The following TSHZ3 variants were observed in gnomAD, a reference collection of about 807,000 sequenced individuals.
TSHZ3 encodes teashirt zinc finger homeobox 3.
In TSHZ3, 10 loss-of-function variants were observed where a neutral mutation model predicts 64.5. The ratio of observed to expected loss-of-function variants is 0.16; its 90% CI spans 0.10 to 0.26. The LOEUF (loss-of-function observed/expected upper bound fraction) is 0.26. Ranked by LOEUF, TSHZ3 falls within the 10% of genes least tolerant of loss-of-function variation. The probability of loss-of-function intolerance (pLI) is 1.00; values close to 1 mark genes in which losing one functional copy is unlikely to be tolerated. For synonymous variants in TSHZ3, 608 were observed against 593.1 expected (o/e 1.03, Z -0.36); for missense variants, 1,242 against 1,421.7 (o/e 0.87, Z 2.03).
At chr19:31,322,373 C>T (rs1192008409) in intron 1 of TSHZ3, among the ~76,000 whole-genome samples, 3 of 152,170 alleles carry the variant, frequency 2.0e-5, no homozygotes, top group Non-Finnish European at 4.4e-5. Context: ...CTGCCTTTGC[C>T]TCCCAAAGTG....
At chr19:31,338,899 T>C (rs978855399) in intron 1 of TSHZ3, among the ~76,000 whole-genome samples, 2 of 151,936 alleles carry the variant, frequency 1.3e-5, no homozygotes, top group Non-Finnish European at 2.9e-5. Context: ...GGTTTGTGTC[T>C]GGTCAGCTGC....
chr19:31,249,327 T>C (rs1255895672), intron 1 of TSHZ3, among the ~76,000 whole-genome samples: 1 of 152,310 alleles, frequency 6.6e-6, no homozygotes, highest in East Asian at 1.9e-4. Context: ...CGCATGTGCC[T>C]TTCCAGCGCA....
At chr19:31,216,958 T>C (rs968629518) in intron 4 of TSHZ3, among the ~76,000 whole-genome samples, 4 of 150,646 alleles carry the variant, frequency 2.7e-5, no homozygotes, top group East Asian at 2.0e-4. Context: ...GCCTGACCAA[T>C]TTACCAATTT....
At position 31,246,170 on chromosome 19, in the gene TSHZ3, T is replaced by G. The variant is rs371204324; in HGVS notation, n.64-3295A>C. Among the ~76,000 whole-genome samples the G allele has an allele frequency of 1.6e-4, 24 of 152,320 alleles. No homozygotes were observed. The South Asian group carries it at 4.8e-3, about 30-fold the overall frequency. On this transcript the variant is annotated intron_variant and non_coding_transcript_variant, in intron 1 of 6. Coordinates refer to the TSHZ3 transcript ENST00000651361. ...GTATGTTGCTAATCAGAATATACAC[T>G]ATCAAATCATTTATATAAAAATAAG...
intron 4 of TSHZ3, among the ~76,000 whole-genome samples, chr19:31,214,542 A>G (rs548631768): frequency 6.6e-6 from 1 of 152,312 alleles, no homozygotes; most frequent in South Asian, 2.1e-4. Flanking sequence ...AAGGCATTGC[A>G]CCTAAGTTGA....
chr19:31,344,036 G>A (rs771784039), intron 1 of TSHZ3, among the ~76,000 whole-genome samples: 1 of 151,904 alleles, frequency 6.6e-6, no homozygotes, highest in Non-Finnish European at 1.5e-5. Context: ...ATGACTGCCT[G>A]TCTATTGAGT....
intron 1 of TSHZ3, among the ~76,000 whole-genome samples, chr19:31,264,214 A>G: frequency 6.6e-6 from 1 of 152,152 alleles, no homozygotes; most frequent in Non-Finnish European, 1.5e-5. Context: ...CCACCTGTGC[A>G]CAGGGAAGCC....
intron 5 of TSHZ3, among the ~76,000 whole-genome samples, chr19:31,187,729 G>C (rs2145134341): frequency 6.6e-6 from 1 of 152,078 alleles, no homozygotes; most frequent in Admixed American, 6.6e-5. Flanking sequence ...TGCAGCTTTT[G>C]CCAAAAATCA....
intron 1 of TSHZ3, among the ~76,000 whole-genome samples, chr19:31,300,344 T>C (rs1002567054): frequency 2.0e-5 from 3 of 152,244 alleles, no homozygotes; most frequent in Admixed American, 1.3e-4. Context: ...GTTTATTATA[T>C]TGACTATTAA....
intron 1 of TSHZ3, among the ~76,000 whole-genome samples, chr19:31,331,569 G>A (rs747374493): frequency 6.6e-6 from 1 of 152,128 alleles, no homozygotes; most frequent in African/African-American, 2.4e-5. Context: ...GTGTCATAAC[G>A]AAGGGAAGTC....
At chr19:31,295,457 C>T (rs1480328298) in intron 1 of TSHZ3, among the ~76,000 whole-genome samples, 1 of 152,240 alleles carries the variant, frequency 6.6e-6, no homozygotes. Context: ...TGTCCACATG[C>T]TAGAGTGCCA....
chr19:31,314,154 A>T (rs866078604), intron 1 of TSHZ3, among the ~76,000 whole-genome samples: 14 of 152,252 alleles, frequency 9.2e-5, no homozygotes, highest in Middle Eastern at 6.8e-3. Flanking sequence ...TCCCCTAGAC[A>T]ACCAGAAAGG....
At chr19:31,250,417 T>C (rs115684487) in intron 1 of TSHZ3, among the ~76,000 whole-genome samples, 1 of 152,330 alleles carries the variant, frequency 6.6e-6, no homozygotes, top group African/African-American at 2.4e-5. Context: ...AATTATATTC[T>C]GTCCTGCTGT....
intron 5 of TSHZ3, among the ~76,000 whole-genome samples, chr19:31,165,379 AT>A (rs375061875): frequency 3.3e-5 from 5 of 149,294 alleles, no homozygotes; most frequent in African/African-American, 7.7e-5. Flanking sequence ...TAAAAAACAC[AT>A]TTTTTTTCAT....
In TSHZ3 at chr19:31,180,986, A is replaced by G. The variant is rs186702249; in HGVS notation, n.809+23970T>C. Among the ~76,000 whole-genome samples, 282 of 152,282 alleles carry G rather than the reference A, an allele frequency of 1.9e-3. 5 individuals carry two copies. Among genetic ancestry groups the G allele is most frequent in the African/African-American group, 6.4e-3 (264 of 41,574 alleles). ...CTGCTAATTTCAGTATATGCAGAAC[A>G]TCTGTAACAGCCTGCTTGGTGGAGG... is the stretch of plus-strand genomic sequence containing the variant. On this transcript the variant is annotated intron_variant and non_coding_transcript_variant, in intron 5 of 6. Transcript: ENST00000651361.
intron 5 of TSHZ3, among the ~76,000 whole-genome samples, chr19:31,184,254 A>T (rs1040990421): frequency 6.6e-6 from 1 of 152,162 alleles, no homozygotes; most frequent in Non-Finnish European, 1.5e-5. Flanking sequence ...CTTGTCTTGT[A>T]TAGTTTTTAT....
intron 5 of TSHZ3, among the ~76,000 whole-genome samples, chr19:31,172,497 A>G (rs1449991909): frequency 6.6e-6 from 1 of 152,248 alleles, no homozygotes; most frequent in Non-Finnish European, 1.5e-5. Context: ...CACATACTCA[A>G]GAAATGCACA....
intron 1 of TSHZ3, among the ~76,000 whole-genome samples, chr19:31,317,691 C>T (rs957331228): frequency 1.7e-4 from 26 of 152,236 alleles, no homozygotes; most frequent in Non-Finnish European, 4.4e-5. Flanking sequence ...CTGTCCCAAA[C>T]GCCTGCCCCG....
intron 6 of TSHZ3, among the ~76,000 whole-genome samples, chr19:31,152,180 A>G (rs887549140): frequency 6.6e-6 from 1 of 152,090 alleles, no homozygotes; most frequent in Non-Finnish European, 1.5e-5. Context: ...TTTGCCTAGA[A>G]TGTCCTAGGT....
Sources: allele counts gnomAD v4.1 joint callset (sites outside exome capture counted in the v4.1 genomes callset), GRCh38; gene constraint gnomAD v4.1.1; transcripts MANE v1.5; gene names NCBI Gene and HGNC (gene_info 2026-07-23, HGNC 2026-07-21).